The following RGS3 variants were observed in gnomAD, a reference collection of about 807,000 sequenced individuals.
The protein encoded by RGS3 is regulator of G protein signaling 3.
Under a neutral mutation model 132.6 loss-of-function variants are expected in RGS3, and 80 were observed. That is an observed-to-expected ratio of 0.60 (90% CI 0.50 to 0.73). The LOEUF (loss-of-function observed/expected upper bound fraction) is 0.73. Among genes scored for constraint, RGS3 ranks in the 30% least tolerant of loss-of-function variants. The probability of loss-of-function intolerance (pLI) is 0.00; values close to 1 mark genes in which losing one functional copy is unlikely to be tolerated. For missense variants in RGS3, 1,382 were observed against 1,530.8 expected, an observed-to-expected ratio of 0.90 and a Z score of 1.62; for synonymous variants, 598 against 620.6, an observed-to-expected ratio of 0.96 and a Z score of 0.54.
intron 17 of RGS3, among the ~76,000 whole-genome samples, chr9:113,523,933 C>T (rs180814564): frequency 2.6e-5 from 4 of 152,168 alleles, no homozygotes; most frequent in Non-Finnish European, 4.4e-5. Flanking sequence ...GTATGAGAAC[C>T]GCCACTCTCA....
intron 1 of RGS3, chr9:113,461,701 T>C (rs760340460): frequency 6.2e-7 from 1 of 1,612,384 alleles, no homozygotes; most frequent in Non-Finnish European, 8.5e-7. Context: ...GTCTTTTCTC[T>C]CCTAGGTCAC....
At chr9:113,560,385 C>T (rs1252149165) in intron 19 of RGS3, among the ~76,000 whole-genome samples, 2 of 151,156 alleles carry the variant, frequency 1.3e-5, no homozygotes, top group African/African-American at 4.9e-5. Flanking sequence ...AGAACAAGGC[C>T]CGTGCCACCA....
At chr9:113,467,196 T>C (rs1035482228) in intron 3 of RGS3, among the ~76,000 whole-genome samples, 1 of 152,256 alleles carries the variant, frequency 6.6e-6, no homozygotes, top group Non-Finnish European at 1.5e-5. Context: ...AACAAGTTTT[T>C]GTGTGGACAA....
At chr9:113,577,169 A>C (rs1253340452) in intron 19 of RGS3, among the ~76,000 whole-genome samples, 1 of 152,028 alleles carries the variant, frequency 6.6e-6, no homozygotes, top group Non-Finnish European at 1.5e-5. Context: ...TTTTTAGTAG[A>C]GACAGGGTTT....
chr9:113,474,404 C>T (rs1490918581), intron 3 of RGS3, among the ~76,000 whole-genome samples: 1 of 152,170 alleles, frequency 6.6e-6, no homozygotes, highest in Admixed American at 6.5e-5. Context: ...CTGCCTGTTT[C>T]CCAGCGCCAC....
At position 113,495,796 on chromosome 9, in the gene RGS3, C is replaced by T. The variant is rs183030443; in HGVS notation, c.700C>T (p.Leu234Phe). 196 of 1,614,154 alleles carry T rather than the reference C, an allele frequency of 1.2e-4. 1 individual carries two copies. The highest frequency in any genetic ancestry group is 5.1e-6 in the Non-Finnish European group (6 of 1,179,986). Reference sequence around the variant, plus strand: ...CACTTGTTCTCCCAGACAGAGTGGACTCATTGGCTGCATGAGCTTTGGGGT... The same window carrying T: ...CACTTGTTCTCCCAGACAGAGTGGATTCATTGGCTGCATGAGCTTTGGGGT... The change falls in exon 8 of 25, where the codon CTC (leucine) becomes TTC (phenylalanine). Residue 234 changes from leucine to phenylalanine, a missense_variant. Transcript: ENST00000350696.
intron 19 of RGS3, among the ~76,000 whole-genome samples, chr9:113,575,424 C>T (rs1015310960): frequency 1.5e-4 from 23 of 152,234 alleles, no homozygotes; most frequent in Non-Finnish European, 2.9e-4. Context: ...AGTCTGTGGT[C>T]GAATTCTTCC....
At chr9:113,514,240 C>T (rs757651852) in intron 14 of RGS3, among the ~76,000 whole-genome samples, 7 of 152,184 alleles carry the variant, frequency 4.6e-5, no homozygotes, top group Non-Finnish European at 7.3e-5. Context: ...TGCTTGCTCA[C>T]GTGTCAACGT....
intron 18 of RGS3, 91 bp downstream of exon 16, chr9:113,529,355 T>C (rs1832365458): frequency 8.9e-7 from 1 of 1,128,522 alleles, no homozygotes; most frequent in African/African-American, 1.5e-5. Flanking sequence ...AGTGTTCTGA[T>C]GCCAGCCTCC....
chr9:113,537,338 G>T lies in RGS3; in HGVS notation c.2037+420G>T, dbSNP rs1256744150. On this transcript the variant is annotated intron_variant, in intron 19 of 24. Transcript: ENST00000350696. The surrounding 1 kb of genome is among the most constrained non-coding windows in gnomAD (Gnocchi z 4.3). Reference sequence around the variant, plus strand: ...GATAGAGGGGATGTTTGCGGCAGAAGCTGTTGTATGCTGTATAGTTCCATG... The same window carrying T: ...GATAGAGGGGATGTTTGCGGCAGAATCTGTTGTATGCTGTATAGTTCCATG... 6.6e-6 allele frequency among the ~76,000 whole-genome samples: 1 copy of T among 152,232 alleles called. No homozygotes were observed. Among genetic ancestry groups the T allele is most frequent in the Non-Finnish European group, 1.5e-5 (1 of 68,038 alleles).
chr9:113,470,213 G>T (rs1829786573), intron 3 of RGS3, among the ~76,000 whole-genome samples: 2 of 152,158 alleles, frequency 1.3e-5, no homozygotes, highest in South Asian at 4.1e-4. Context: ...ATTTGAAAAG[G>T]ATTCTGCAGC....
intron 7 of RGS3, among the ~76,000 whole-genome samples, chr9:113,486,351 A>G (rs1291790328): frequency 1.3e-5 from 2 of 152,270 alleles, no homozygotes; most frequent in Non-Finnish European, 2.9e-5. Flanking sequence ...GCAAGGAGGC[A>G]GAAATACTCA....
intron 3 of RGS3, 170 bp from the exon 2 acceptor site, chr9:113,479,321 G>T: frequency 1.4e-6 from 1 of 697,846 alleles, no homozygotes; most frequent in South Asian, 1.7e-5. Flanking sequence ...CGATGTGGTG[G>T]GCGGGGCTGA....
At chr9:113,493,306 G>T (rs1376844735) in intron 7 of RGS3, among the ~76,000 whole-genome samples, 1 of 152,186 alleles carries the variant, frequency 6.6e-6, no homozygotes, top group Non-Finnish European at 1.5e-5. Flanking sequence ...TGGGGTGAGA[G>T]CATTGTCCTT....
In RGS3 at chr9:113,508,727, G is replaced by C. The variant is rs148750445; in HGVS notation, c.1477+147G>C. 200 of 739,428 alleles carry C rather than the reference G, an allele frequency of 2.7e-4. 2 individuals are homozygous for C. Among genetic ancestry groups the C allele is most frequent in the Middle Eastern group, 1.4e-3 (6 of 4,202 alleles). 45.8% of individuals were successfully genotyped at this position (739,428 alleles called of 1,614,324 possible). A position where few individuals can be genotyped will look rare whatever the true frequency, so the allele number is the denominator to read the frequency against. ...CTATCGACACAGACTCTCTTTCCAC[G>C]TGGTACCTTTTCTCCCTCACGGAAC... On this transcript the variant is annotated intron_variant, in intron 14 of 24. Coordinates refer to ENST00000350696, the Ensembl canonical transcript of RGS3.
At chr9:113,575,848 C>A (rs957950950) in intron 19 of RGS3, among the ~76,000 whole-genome samples, 2 of 152,200 alleles carry the variant, frequency 1.3e-5, no homozygotes, top group Non-Finnish European at 2.9e-5. Flanking sequence ...CTAAAGTGTA[C>A]TTCTCCGTTA....
intron 19 of RGS3, among the ~76,000 whole-genome samples, chr9:113,573,581 C>A (rs141210870): frequency 5.6e-4 from 85 of 152,344 alleles, no homozygotes; most frequent in South Asian, 1.0e-3. Flanking sequence ...GTCATCCTGG[C>A]ATGGCAGAGC....
At chr9:113,529,557 G>A (rs1490644653) in intron 18 of RGS3, among the ~76,000 whole-genome samples, 2 of 152,242 alleles carry the variant, frequency 1.3e-5, no homozygotes, top group African/African-American at 4.8e-5. Flanking sequence ...CAGTGGGGGT[G>A]TGGCCGGGCA....
At chr9:113,490,693 TTA>T (rs761427237) in intron 7 of RGS3, among the ~76,000 whole-genome samples, 42 of 141,528 alleles carry the variant, frequency 3.0e-4, no homozygotes, top group African/African-American at 5.1e-4. Flanking sequence ...ATATAATATA[TTA>T]TATTATATTT....
Sources: gnomAD v4.1 joint callset for allele counts (sites outside exome capture counted in the v4.1 genomes callset) on GRCh38, gnomAD v4.1.1 for gene constraint, Gnocchi (gnomAD v3.1) non-coding constraint, MANE v1.5 for transcripts, NCBI Gene and HGNC (gene_info 2026-07-23, HGNC 2026-07-21) for gene names.